The following RARB variants were observed in gnomAD, a reference collection of about 807,000 sequenced individuals.
The protein encoded by RARB is HBV-activated protein.
Under a neutral mutation model 51.9 loss-of-function variants are expected in RARB, and 17 were observed. The ratio of observed to expected loss-of-function variants is 0.33; its 90% CI spans 0.22 to 0.49. The LOEUF (loss-of-function observed/expected upper bound fraction) is 0.49. Ranked by LOEUF, RARB falls within the 20% of genes least tolerant of loss-of-function variation. The pLI, the probability that RARB is intolerant of heterozygous loss-of-function variation, is 0.99. For missense variants in RARB, 369 were observed against 550.8 expected (o/e 0.67, Z 3.30); for synonymous variants, 215 against 195.4 (o/e 1.10, Z -0.84).
At chr3:24,902,332 T>C (rs994535011) in intron 2 of RARB, among the ~76,000 whole-genome samples, 19 of 152,176 alleles carry the variant, frequency 1.2e-4, no homozygotes, top group Non-Finnish European at 2.2e-4. Flanking sequence ...GGTCAACCAA[T>C]GAGGTAGAAT....
rs939520089 is a variant in RARB, at chr3:25,399,469, A to C, written c.179-61724A>C. On this transcript the variant is annotated intron_variant, in intron 5 of 11. Transcript: ENST00000383772. ...GAACAGGAGCTGAATTGTTGGCTTT[A>C]CTCTTTATCTTATCCACTTCATCCT... Among the ~76,000 whole-genome samples the C allele has an allele frequency of 3.3e-5, 5 of 151,994 alleles. No homozygotes were observed. The South Asian group carries it at 8.3e-4, about 25-fold the overall frequency.
intron 5 of RARB, among the ~76,000 whole-genome samples, chr3:25,334,448 A>G (rs938198633): frequency 1.3e-5 from 2 of 152,178 alleles, no homozygotes; most frequent in Non-Finnish European, 2.9e-5. Flanking sequence ...CAAACACCGC[A>G]TGTTCTCACT....
At position 24,873,461 on chromosome 3, in the gene RARB, A is replaced by T. The variant is rs546049574; in HGVS notation, c.-380+14709A>T. ...TGTCTTTTATCCTAAACATTAATATATTATTCCATTCTTGTTTCTTAGTTA... is the reference window on the plus strand; with the variant it reads ...TGTCTTTTATCCTAAACATTAATATTTTATTCCATTCTTGTTTCTTAGTTA... On this transcript the variant is annotated intron_variant, in intron 2 of 11. Coordinates refer to the RARB transcript ENST00000383772. Among the ~76,000 whole-genome samples the T allele has an allele frequency of 2.6e-5, 4 of 152,122 alleles. No homozygotes were observed. In the South Asian group the frequency reaches 8.3e-4, roughly 32 times the overall value.
intron 2 of RARB, among the ~76,000 whole-genome samples, chr3:25,474,514 C>T (rs1012355621): frequency 1.3e-5 from 2 of 152,048 alleles, no homozygotes; most frequent in African/African-American, 4.8e-5. Context: ...GGTGTTCCTT[C>T]AGCTGGCTGG....
chr3:25,333,114 T>C (rs1250142450), intron 5 of RARB, among the ~76,000 whole-genome samples: 3 of 152,124 alleles, frequency 2.0e-5, no homozygotes, highest in Admixed American at 6.6e-5. Flanking sequence ...AGGTAATTTA[T>C]AGATTCAATG....
chr3:25,339,401 C>T lies in RARB; in HGVS notation c.179-121792C>T, dbSNP rs114043656. On this transcript the variant is annotated intron_variant, in intron 5 of 11. Transcript: ENST00000383772. The stretch of plus-strand genomic sequence containing the variant: ...AGTAGGGCAAACACTGAGCTGTAAC[C>T]AATTCAACGCTTTCTGTACCTCACT... Among the ~76,000 whole-genome samples the T allele has an allele frequency of 1.7e-3, 264 of 152,316 alleles. 1 individual carries two copies. The highest frequency in any genetic ancestry group is 5.8e-3 in the African/African-American group (243 of 41,560).
chr3:25,415,508 T>C (rs903536779), intron 5 of RARB, among the ~76,000 whole-genome samples: 2 of 152,236 alleles, frequency 1.3e-5, no homozygotes, highest in African/African-American at 4.8e-5. Context: ...TTGTTTTATT[T>C]GTATGCAATA....
At chr3:24,864,411 CTTG>C (rs1702811347) in intron 2 of RARB, among the ~76,000 whole-genome samples, 1 of 152,162 alleles carries the variant, frequency 6.6e-6, no homozygotes, top group Non-Finnish European at 1.5e-5. Context: ...GGCTCTCTTC[CTTG>C]CTTAGGCTCC....
intron 3 of RARB, among the ~76,000 whole-genome samples, chr3:25,520,712 A>G (rs75473537): frequency 0.013 from 1,928 of 152,322 alleles, 35 homozygotes; most frequent in South Asian, 0.083. Context: ...TTTTCTTTGA[A>G]CAGTCATGTA....
At chr3:25,341,476 G>T (rs1354168186) in intron 5 of RARB, among the ~76,000 whole-genome samples, 1 of 152,112 alleles carries the variant, frequency 6.6e-6, no homozygotes, top group Non-Finnish European at 1.5e-5. Flanking sequence ...TCCTAGAAGA[G>T]GTTTTAAAGC....
intron 5 of RARB, among the ~76,000 whole-genome samples, chr3:25,373,170 G>A (rs1181153336): frequency 6.6e-6 from 1 of 152,194 alleles, no homozygotes; most frequent in Non-Finnish European, 1.5e-5. Context: ...TAGAGTTGAG[G>A]AGGATGCTCG....
intron 5 of RARB, among the ~76,000 whole-genome samples, chr3:25,369,466 G>A (rs1423768131): frequency 6.6e-6 from 1 of 152,094 alleles, no homozygotes; most frequent in African/African-American, 2.4e-5. Flanking sequence ...ATAAGTCAAT[G>A]AAAAAACTAA....
intron 2 of RARB, among the ~76,000 whole-genome samples, chr3:24,957,095 C>A (rs560031938): frequency 6.6e-6 from 1 of 152,292 alleles, no homozygotes; most frequent in African/African-American, 2.4e-5. Context: ...CTTCTGAGGG[C>A]AATTGCCAGA....
rs138375333 is a variant in RARB, at chr3:25,422,708, G to A, written c.179-38485G>A. Among the ~76,000 whole-genome samples, 275 of 151,954 alleles carry A rather than the reference G, an allele frequency of 1.8e-3. 1 individual carries two copies. Among genetic ancestry groups the A allele is most frequent in the African/African-American group, 6.2e-3 (256 of 41,396 alleles). Reference sequence around the variant, plus strand: ...GGATGAAGTAATATAATGCATTCTAGATGAATAATATAATAAAAAGCCCTA... The same window carrying A: ...GGATGAAGTAATATAATGCATTCTAAATGAATAATATAATAAAAAGCCCTA... On this transcript the variant is annotated intron_variant, in intron 5 of 11. Transcript: ENST00000383772.
intron 5 of RARB, among the ~76,000 whole-genome samples, chr3:25,221,620 A>G (rs1701950128): frequency 6.7e-6 from 1 of 150,342 alleles, no homozygotes; most frequent in South Asian, 2.1e-4. Context: ...CATTATGAAG[A>G]TACAACTTGT....
chr3:25,090,910 C>T (rs536564560), intron 3 of RARB, among the ~76,000 whole-genome samples: 10 of 152,134 alleles, frequency 6.6e-5, no homozygotes, highest in South Asian at 6.2e-4. Flanking sequence ...TAAGATGATC[C>T]GTGATTTCAA....
At chr3:24,860,828 C>A (rs748963336) in intron 2 of RARB, among the ~76,000 whole-genome samples, 5 of 152,074 alleles carry the variant, frequency 3.3e-5, no homozygotes, top group Non-Finnish European at 7.4e-5. Context: ...GAGTCACTTT[C>A]TAAAAAGAGG....
At chr3:25,172,643 G>C (rs321541) in intron 4 of RARB, among the ~76,000 whole-genome samples, 147,305 of 152,300 alleles carry the variant, frequency 0.97, 71,268 homozygotes, top group African/African-American at 0.99. Context: ...TCCTAACATT[G>C]TTTTCCTGGG....
intron 1 of RARB, among the ~76,000 whole-genome samples, chr3:24,837,884 C>A (rs1702364186): frequency 6.6e-6 from 1 of 152,216 alleles, no homozygotes; most frequent in Admixed American, 6.5e-5. Flanking sequence ...TGCCTTAACA[C>A]ATTAACACAA....
Sources: gnomAD v4.1 joint callset for allele counts (sites outside exome capture counted in the v4.1 genomes callset) on GRCh38, gnomAD v4.1.1 for gene constraint, MANE v1.5 for transcripts, NCBI Gene and HGNC (gene_info 2026-07-23, HGNC 2026-07-21) for gene names.